MICU3: variants seen among roughly 807,000 people sequenced by gnomAD.
MICU3 encodes the protein mitochondrial calcium uptake 3, also known as calcium uptake protein 3, mitochondrial.
MICU3 carries 62 observed loss-of-function variants against 66.5 expected under a neutral mutation model. That is an observed-to-expected ratio of 0.93 (90% CI 0.76 to 1.15). MICU3 has a LOEUF of 1.15. MICU3 is among the 50% of genes most tolerant of loss of function. The pLI is 0.00. For synonymous variants in MICU3, 308 were observed against 240.7 expected, an observed-to-expected ratio of 1.28 and a Z score of -2.59; for missense variants, 779 against 664.4, an observed-to-expected ratio of 1.17 and a Z score of -1.90.
intron 7 of MICU3, among the ~76,000 whole-genome samples, chr8:17,090,275 C>G (rs4922259): frequency 0.26 from 39,246 of 151,990 alleles, 5,568 homozygotes; most frequent in South Asian, 0.35. Context: ...GTGTTTTACT[C>G]AAAGCAGTAG....
intron 1 of MICU3, among the ~76,000 whole-genome samples, chr8:17,043,095 A>T (rs1365969705): frequency 6.6e-6 from 1 of 150,492 alleles, no homozygotes; most frequent in East Asian, 2.0e-4. Context: ...GCCCACCACC[A>T]CGCCCGGCTA....
chr8:17,099,001 A>T (rs1414595703), intron 9 of MICU3, among the ~76,000 whole-genome samples: 1 of 151,666 alleles, frequency 6.6e-6, no homozygotes, highest in Non-Finnish European at 1.5e-5. Flanking sequence ...CCAGTCAAGG[A>T]AGGGAGGAAT....
At chr8:17,090,208 T>C (rs1799903029) in intron 7 of MICU3, among the ~76,000 whole-genome samples, 1 of 152,104 alleles carries the variant, frequency 6.6e-6, no homozygotes, top group African/African-American at 2.4e-5. Context: ...GATTTCCCCC[T>C]ATGCCATGTA....
rs114510533 is a variant in MICU3, at chr8:17,053,279, G to A, written c.382-10805G>A. Among the ~76,000 whole-genome samples, 329 of 152,206 alleles carry A rather than the reference G, an allele frequency of 2.2e-3. 3 individuals are homozygous for A. Among genetic ancestry groups the A allele is most frequent in the African/African-American group, 7.8e-3 (322 of 41,548 alleles). The stretch of plus-strand genomic sequence containing the variant: ...TTTAGGGTATTATCAGCTGGTAGGC[G>A]TAAGTTTCTCTAATTGTCAAGTAGT... On this transcript the variant is annotated intron_variant, in intron 1 of 14. Coordinates refer to ENST00000318063, the MANE Select transcript of MICU3 (RefSeq NM_181723.3).
intron 11 of MICU3, among the ~76,000 whole-genome samples, chr8:17,113,109 G>C (rs539786821): frequency 1.2e-4 from 18 of 152,204 alleles, no homozygotes; most frequent in Admixed American, 2.6e-4. Flanking sequence ...CAAAAGCTGA[G>C]TGTTTGGGTA....
intron 12 of MICU3, among the ~76,000 whole-genome samples, chr8:17,116,061 T>A (rs1802651631): frequency 6.6e-6 from 1 of 152,232 alleles, no homozygotes; most frequent in Non-Finnish European, 1.5e-5. Flanking sequence ...CAGATTCTCA[T>A]AGCACTTTAT....
intron 11 of MICU3, among the ~76,000 whole-genome samples, chr8:17,111,903 G>A (rs1414671409): frequency 2.0e-5 from 3 of 152,132 alleles, no homozygotes; most frequent in Non-Finnish European, 4.4e-5. Context: ...TGGCTGGGGA[G>A]GCCTGAGAAA....
At chr8:17,036,513 C>T (rs1056604851) in intron 1 of MICU3, among the ~76,000 whole-genome samples, 5 of 152,108 alleles carry the variant, frequency 3.3e-5, no homozygotes, top group Admixed American at 2.0e-4. Flanking sequence ...CTGATTGGTG[C>T]GTTTACAATC....
At chr8:17,109,386 A>G (rs1452478582) in intron 11 of MICU3, among the ~76,000 whole-genome samples, 1 of 152,160 alleles carries the variant, frequency 6.6e-6, no homozygotes, top group Non-Finnish European at 1.5e-5. Flanking sequence ...GTTACTAATT[A>G]TAATGTTGTT....
At chr8:17,094,960 C>A (rs1800512995) in intron 8 of MICU3, among the ~76,000 whole-genome samples, 1 of 151,952 alleles carries the variant, frequency 6.6e-6, no homozygotes. Flanking sequence ...TCATGTTTAT[C>A]TTCCGGTTCA....
chr8:17,049,505 G>GCTTAGTA (rs967552630), intron 1 of MICU3: 1 of 491,894 alleles, frequency 2.0e-6, no homozygotes, highest in African/African-American at 2.0e-5. Context: ...CAGTTTGTGG[G>GCTTAGTA]CTTAGTATTT....
At chr8:17,030,533 A>T (rs1236834521) in intron 1 of MICU3, among the ~76,000 whole-genome samples, 1 of 151,308 alleles carries the variant, frequency 6.6e-6, no homozygotes, top group African/African-American at 2.4e-5. Flanking sequence ...GGTGAGTATT[A>T]TGGGCTTCTT....
At chr8:17,044,796 C>T (rs1357710279) in intron 1 of MICU3, among the ~76,000 whole-genome samples, 1 of 152,184 alleles carries the variant, frequency 6.6e-6, no homozygotes, top group Non-Finnish European at 1.5e-5. Context: ...TAAGTGAAAG[C>T]AGGTGTAATA....
intron 11 of MICU3, among the ~76,000 whole-genome samples, chr8:17,105,985 A>G (rs1801705250): frequency 6.6e-6 from 1 of 152,046 alleles, no homozygotes; most frequent in Admixed American, 6.6e-5. Flanking sequence ...TCATTTGAAG[A>G]CCACCATTGA....
chr8:17,077,898 A>G (rs1217450679), intron 4 of MICU3, 37 bp downstream of exon 4: 2 of 1,273,386 alleles, frequency 1.6e-6, no homozygotes, highest in African/African-American at 1.5e-5. Context: ...TTTTTAAACT[A>G]TATTATGTAT....
At chr8:17,067,442 T>C (rs1818892975) in intron 2 of MICU3, among the ~76,000 whole-genome samples, 1 of 152,076 alleles carries the variant, frequency 6.6e-6, no homozygotes, top group Admixed American at 6.6e-5. Flanking sequence ...TTTTTTTTTT[T>C]TTCCCCAAGA....
intron 1 of MICU3, among the ~76,000 whole-genome samples, chr8:17,042,384 A>G (rs1299393992): frequency 6.6e-6 from 1 of 152,224 alleles, no homozygotes; most frequent in Non-Finnish European, 1.5e-5. Flanking sequence ...ATAAAGAAAA[A>G]ATGTGTTTAA....
chr8:17,105,136 G>T (rs1801630386), intron 10 of MICU3, among the ~76,000 whole-genome samples: 1 of 151,216 alleles, frequency 6.6e-6, no homozygotes, highest in Admixed American at 6.6e-5. Context: ...AAGTATCATT[G>T]CTATTCTGCA....
At chr8:17,084,175 CTT>C (rs1821609197) in intron 5 of MICU3, among the ~76,000 whole-genome samples, 1 of 152,068 alleles carries the variant, frequency 6.6e-6, no homozygotes, top group Non-Finnish European at 1.5e-5. Context: ...GTGTCTCCCT[CTT>C]TACTTTGTAC....
Sources: gnomAD v4.1 joint callset for allele counts (sites outside exome capture counted in the v4.1 genomes callset) on GRCh38, gnomAD v4.1.1 for gene constraint, MANE v1.5 for transcripts, NCBI Gene and HGNC (gene_info 2026-07-23, HGNC 2026-07-21) for gene names.